NPNT: variants seen among roughly 807,000 people sequenced by gnomAD.
NPNT encodes nephronectin, also known as preosteoblast EGF-like repeat protein with MAM domain.
A neutral mutation model predicts 68.6 loss-of-function variants in NPNT; 45 were observed. The observed-to-expected ratio is 0.66, with a 90% CI of 0.52 to 0.84. The LOEUF is 0.84. NPNT is among the 40% of genes least tolerant of loss of function. NPNT has a pLI of 0.00. For synonymous variants in NPNT, 233 were observed against 253.3 expected (o/e 0.92, Z 0.76); for missense variants, 672 against 714.8 (o/e 0.94, Z 0.68).
chr4:105,955,690 CTT>C (rs34300696), intron 8 of NPNT, among the ~76,000 whole-genome samples: 1 of 150,266 alleles, frequency 6.7e-6, no homozygotes, highest in Non-Finnish European at 1.5e-5. Context: ...CTCTTTAGTC[CTT>C]TTTTTTTGGT....
chr4:105,898,942 A>G (rs982888020), intron 2 of NPNT, among the ~76,000 whole-genome samples: 2 of 152,112 alleles, frequency 1.3e-5, no homozygotes, highest in African/African-American at 4.8e-5. Context: ...TGGGTTCTAC[A>G]TTGGGATATA....
rs114993886 is a variant in NPNT, at chr4:105,925,403, G to T, written c.173-1933G>T. Among the ~76,000 whole-genome samples, 662 of 152,202 alleles carry T rather than the reference G, an allele frequency of 4.3e-3. 10 individuals carry two copies. Among genetic ancestry groups the T allele is most frequent in the African/African-American group, 0.015 (624 of 41,520 alleles). ...TTGGGATGACAAACAGGCAAGGAAG[G>T]CCTGGAAGTAAAATTAGCAAAGAGG... On this transcript the variant is annotated intron_variant, in intron 2 of 11. Transcript: ENST00000379987.
Position 105,907,630 on chromosome 4 carries a change from T to G in NPNT, c.172+9629T>G, listed in dbSNP as rs118096766. Among the ~76,000 whole-genome samples the G allele has an allele frequency of 3.4e-3, 515 of 152,240 alleles. 7 individuals carry two copies. Among genetic ancestry groups the G allele is most frequent in the East Asian group, 0.021 (110 of 5,182 alleles). On this transcript the variant is annotated intron_variant, in intron 2 of 11. Coordinates refer to ENST00000379987, the MANE Select transcript of NPNT (RefSeq NM_001033047.3). ...ATTCAAAGTGATGTCAATAACCAGC[T>G]ACAACCATAGAAAAATACTAGTAGC...
At chr4:105,929,086 T>C (rs1728912897) in intron 3 of NPNT, among the ~76,000 whole-genome samples, 1 of 152,080 alleles carries the variant, frequency 6.6e-6, no homozygotes, top group African/African-American at 2.4e-5. Context: ...CCTGCATGCA[T>C]TAGGTATTTG....
rs573894874 is a variant in NPNT, at chr4:105,966,311, C to G, written c.1346-877C>G. The stretch of plus-strand genomic sequence containing the variant: ...CTCTCTCTTGAGAAGCAGCACCCCC[C>G]ACTTCACTGCTGCTTAACCATTTTT... On this transcript the variant is annotated intron_variant, in intron 10 of 11. Coordinates refer to ENST00000379987, the MANE Select transcript of NPNT (RefSeq NM_001033047.3). 5.3e-5 allele frequency among the ~76,000 whole-genome samples: 8 copies of G among 152,294 alleles called. No homozygotes were observed. The South Asian group carries it at 1.5e-3, about 28-fold the overall frequency.
chr4:105,950,269 T>G (rs1439812269), intron 8 of NPNT, among the ~76,000 whole-genome samples: 2 of 152,072 alleles, frequency 1.3e-5, no homozygotes, highest in African/African-American at 4.8e-5. Flanking sequence ...GGAAACAGAT[T>G]TTTTTTCCCC....
intron 2 of NPNT, among the ~76,000 whole-genome samples, chr4:105,911,311 A>G (rs1379744414): frequency 6.6e-6 from 1 of 152,108 alleles, no homozygotes; most frequent in Non-Finnish European, 1.5e-5. Flanking sequence ...AATTAAATCA[A>G]ATTGGACTTA....
chr4:105,926,577 A>G (rs1330503033), intron 2 of NPNT, among the ~76,000 whole-genome samples: 1 of 152,192 alleles, frequency 6.6e-6, no homozygotes, highest in Non-Finnish European at 1.5e-5. Flanking sequence ...CCCAGTTGAG[A>G]ATCACTGATA....
intron 3 of NPNT, among the ~76,000 whole-genome samples, chr4:105,935,788 A>G (rs374867348): frequency 6.6e-6 from 1 of 152,184 alleles, no homozygotes; most frequent in Non-Finnish European, 1.5e-5. Context: ...ATTTTTTTAG[A>G]TGTAATAATT....
At chr4:105,950,479 G>A (rs932041802) in intron 8 of NPNT, among the ~76,000 whole-genome samples, 1 of 151,898 alleles carries the variant, frequency 6.6e-6, no homozygotes, top group African/African-American at 2.4e-5. Context: ...TTGAGACACA[G>A]GCTCACTCTT....
chr4:105,916,599 T>A (rs538662690), intron 2 of NPNT, among the ~76,000 whole-genome samples: 1 of 152,332 alleles, frequency 6.6e-6, no homozygotes. Context: ...AGTCCTAGCC[T>A]AAATGCCACT....
chr4:105,899,223 A>G (rs1019964468), intron 2 of NPNT, among the ~76,000 whole-genome samples: 1 of 152,210 alleles, frequency 6.6e-6, no homozygotes, highest in African/African-American at 2.4e-5. Context: ...TTGGGAATAG[A>G]AAGGTAAAGG....
chr4:105,923,526 T>C (rs1372463173), intron 2 of NPNT, among the ~76,000 whole-genome samples: 2 of 152,168 alleles, frequency 1.3e-5, no homozygotes, highest in African/African-American at 4.8e-5. Context: ...TAGCTACAAG[T>C]AACGTGACAC....
rs1292317502 is a variant in NPNT at position 105,962,859 on chromosome 4, GTGTGTGTGTGTA to G, written c.1345+3745_1345+3756del. On this transcript the variant is annotated intron_variant, in intron 10 of 11. Transcript: ENST00000379987. ...TCAGGTGGATGGAGTGTATGTGTGT[GTGTGTGTGTGTA>G]TGTGTGTGTGTGTATGTATGTGTAT... Among the ~76,000 whole-genome samples, 5 of 150,152 alleles carry G rather than the reference GTGTGTGTGTGTA, an allele frequency of 3.3e-5. No individual in the cohort carries two copies. In the East Asian group the frequency reaches 5.8e-4, roughly 17 times the overall value.
At chr4:105,895,896 C>T in intron 1 of NPNT, 173 bp downstream of exon 1, 1 of 604,032 alleles carries the variant, frequency 1.7e-6, no homozygotes, top group East Asian at 3.1e-5. Flanking sequence ...TCCGAGTGCC[C>T]GCCCGAGGCG....
intron 2 of NPNT, chr4:105,911,963 C>A: frequency 2.0e-6 from 1 of 505,472 alleles, no homozygotes. Flanking sequence ...AGCATAACTT[C>A]AATTATTGGT....
chr4:105,938,538 G>T, intron 5 of NPNT, 118 bp downstream of exon 5: 1 of 1,004,968 alleles, frequency 1.0e-6, no homozygotes, highest in South Asian at 1.6e-5. Flanking sequence ...ATTAGCTATC[G>T]TTCAGAAGAT....
chr4:105,904,607 A>AAGAAAGAT (rs1726726283), intron 2 of NPNT, among the ~76,000 whole-genome samples: 1 of 152,162 alleles, frequency 6.6e-6, no homozygotes, highest in Admixed American at 6.5e-5. Flanking sequence ...CCTATCATTT[A>AAGAAAGAT]CTTGTAAGAA....
chr4:105,944,991 C>T (rs539577032), intron 8 of NPNT, among the ~76,000 whole-genome samples: 1 of 152,204 alleles, frequency 6.6e-6, no homozygotes, highest in Non-Finnish European at 1.5e-5. Context: ...TCTGGCATAA[C>T]TTCTTAAATC....
Sources: gnomAD v4.1 joint callset for allele counts (sites outside exome capture counted in the v4.1 genomes callset) on GRCh38, gnomAD v4.1.1 for gene constraint, MANE v1.5 for transcripts, NCBI Gene and HGNC (gene_info 2026-07-23, HGNC 2026-07-21) for gene names.